SMYD3: variants seen among roughly 807,000 people sequenced by gnomAD.
SMYD3 encodes SET and MYND domain containing 3.
In SMYD3, 36 loss-of-function variants were observed where a neutral mutation model predicts 57.7. The ratio of observed to expected loss-of-function variants is 0.62; its 90% CI spans 0.48 to 0.82. SMYD3 has a LOEUF of 0.82. Among genes scored for constraint, SMYD3 ranks in the 40% least tolerant of loss-of-function variants. SMYD3 has a pLI of 0.00. For synonymous variants in SMYD3, 211 were observed against 195.0 expected (o/e 1.08, Z -0.68); for missense variants, 515 against 538.8 (o/e 0.96, Z 0.44).
chr1:245,953,765 C>A lies in SMYD3; in HGVS notation c.532-23828G>T, dbSNP rs147112510. ...AATAAACAGCAGCAACAACAAAAAC[C>A]CCACATGTACTTTCAAAAGTATGTT... On this transcript the variant is annotated intron_variant, in intron 5 of 11. Transcript: ENST00000490107. Among the ~76,000 whole-genome samples the A allele has an allele frequency of 6.9e-3, 1,054 of 152,208 alleles. 6 individuals are homozygous for A. The highest frequency in any genetic ancestry group is 0.01 in the Non-Finnish European group (686 of 68,014).
intron 5 of SMYD3, among the ~76,000 whole-genome samples, chr1:245,964,925 A>C (rs1045817852): frequency 5.3e-5 from 8 of 152,136 alleles, no homozygotes; most frequent in Non-Finnish European, 8.8e-5. Context: ...AACAATAATG[A>C]CTGAGAAATT....
At chr1:246,056,527 C>T (rs945763088) in intron 5 of SMYD3, among the ~76,000 whole-genome samples, 1 of 151,578 alleles carries the variant, frequency 6.6e-6, no homozygotes. Context: ...GTTTCTAAGC[C>T]TTCACAAATG....
chr1:246,346,041 G>T (rs549923724), intron 2 of SMYD3, among the ~76,000 whole-genome samples: 223 of 152,194 alleles, frequency 1.5e-3, no homozygotes, highest in African/African-American at 4.9e-3. Flanking sequence ...TCCCAGCACT[G>T]TGGGAGGCCA....
In SMYD3 at chr1:245,896,989, C is replaced by G. The variant is rs114252875; in HGVS notation, c.813+18541G>C. ...CTGAGTGAAATGCAATGCTAACCAA[C>G]TGAAAACAATCAGAACATAAATTCC... On this transcript the variant is annotated intron_variant, in intron 8 of 11. Coordinates refer to ENST00000490107, the MANE Select transcript of SMYD3 (RefSeq NM_001167740.2). Among the ~76,000 whole-genome samples, 675 of 152,268 alleles carry G rather than the reference C, an allele frequency of 4.4e-3. 6 individuals are homozygous for G. The highest frequency in any genetic ancestry group is 0.016 in the African/African-American group (653 of 41,546).
chr1:245,877,283 A>T (rs996334098), intron 8 of SMYD3, among the ~76,000 whole-genome samples: 2 of 152,198 alleles, frequency 1.3e-5, no homozygotes, highest in Non-Finnish European at 2.9e-5. Flanking sequence ...AGACCCAAAA[A>T]CATAAAGCTG....
chr1:246,231,608 A>C (rs569923879), intron 5 of SMYD3, among the ~76,000 whole-genome samples: 23 of 152,354 alleles, frequency 1.5e-4, no homozygotes, highest in South Asian at 1.5e-3. Context: ...GGAAATATCA[A>C]AATAACATCA....
rs10158621 is a variant in SMYD3 at position 246,019,310 on chromosome 1, G to T, written c.532-89373C>A. Among the ~76,000 whole-genome samples the T allele has an allele frequency of 2.7e-3, 412 of 152,298 alleles. 1 individual carries two copies. Among genetic ancestry groups the T allele is most frequent in the African/African-American group, 9.6e-3 (397 of 41,568 alleles). On this transcript the variant is annotated intron_variant, in intron 5 of 11. Coordinates refer to ENST00000490107, the MANE Select transcript of SMYD3 (RefSeq NM_001167740.2). ...CACAAGACAGCCCCCACGACCAAAG[G>T]TTATCCAGCCCAAAATGTCACTAGT... is the stretch of plus-strand genomic sequence containing the variant.
At chr1:245,930,382 A>C in intron 5 of SMYD3, 1 of 336,422 alleles carries the variant, frequency 3.0e-6, no homozygotes, top group African/African-American at 2.2e-5. Context: ...CTTGTCTCTT[A>C]CTCCTACAGA....
chr1:246,067,296 T>C (rs2060359674), intron 5 of SMYD3, among the ~76,000 whole-genome samples: 1 of 152,204 alleles, frequency 6.6e-6, no homozygotes, highest in South Asian at 2.1e-4. Flanking sequence ...AATGGTTTTA[T>C]TTTGTTCTTA....
intron 10 of SMYD3, among the ~76,000 whole-genome samples, chr1:245,849,142 T>G (rs1390506912): frequency 6.6e-6 from 1 of 152,154 alleles, no homozygotes; most frequent in Non-Finnish European, 1.5e-5. Context: ...CACTAGGAAG[T>G]TATCCAAAGG....
At chr1:246,211,116 A>G (rs896224404) in intron 5 of SMYD3, among the ~76,000 whole-genome samples, 7 of 152,144 alleles carry the variant, frequency 4.6e-5, no homozygotes, top group African/African-American at 1.7e-4. Context: ...TTTCTATTAT[A>G]GGAAAAAAAA....
chr1:245,999,579 C>T (rs1381936618), intron 5 of SMYD3, among the ~76,000 whole-genome samples: 1 of 150,274 alleles, frequency 6.7e-6, no homozygotes, highest in Non-Finnish European at 1.5e-5. Flanking sequence ...GTATAAAAGA[C>T]CTAAGAGTGA....
Position 245,915,642 on chromosome 1 carries a change from T to G in SMYD3, c.703-2A>C, listed in dbSNP as rs772382627. The G allele has an allele frequency of 6.2e-7, 1 of 1,606,204 alleles. No individual in the cohort carries two copies. Among genetic ancestry groups the G allele is most frequent in the African/African-American group, 1.3e-5 (1 of 74,786 alleles). On this transcript the variant is annotated splice_acceptor_variant, in intron 7 of 11. Coordinates refer to ENST00000490107, the MANE Select transcript of SMYD3 (RefSeq NM_001167740.2). LOFTEE classifies it high-confidence loss of function. Reference sequence around the variant, plus strand: ...CATATCCAGGTAGCAGATGGTGAGCTGTGCAGGCCAGAGAGAGGGAAGCGC... The same window carrying G: ...CATATCCAGGTAGCAGATGGTGAGCGGTGCAGGCCAGAGAGAGGGAAGCGC...
intron 1 of SMYD3, among the ~76,000 whole-genome samples, chr1:246,474,246 G>A (rs763479973): frequency 2.0e-4 from 31 of 152,150 alleles, no homozygotes; most frequent in Non-Finnish European, 2.8e-4. Context: ...TGGGCCGGGC[G>A]CGGTGGCTCA....
rs185927532 is a variant in SMYD3 at position 246,141,838 on chromosome 1, G to A, written c.531+185363C>T. Among the ~76,000 whole-genome samples the A allele has an allele frequency of 6.6e-5, 10 of 152,334 alleles. No homozygotes were observed. The East Asian group carries it at 1.9e-3, about 29-fold the overall frequency. The stretch of plus-strand genomic sequence containing the variant: ...TGATTGAGTTCTATGTTCAGTGGAA[G>A]CAGAGTCGAGCTGGAAGCAATGAAA... On this transcript the variant is annotated intron_variant, in intron 5 of 11. Transcript: ENST00000490107.
At chr1:246,274,176 T>C (rs942226092) in intron 5 of SMYD3, among the ~76,000 whole-genome samples, 1 of 152,230 alleles carries the variant, frequency 6.6e-6, no homozygotes, top group African/African-American at 2.4e-5. Flanking sequence ...AAGCATATTA[T>C]TCTTTCCTTT....
At chr1:246,316,163 A>G (rs1003224876) in intron 5 of SMYD3, among the ~76,000 whole-genome samples, 1 of 152,200 alleles carries the variant, frequency 6.6e-6, no homozygotes, top group African/African-American at 2.4e-5. Context: ...CATAACCACA[A>G]TATTTCTAAT....
intron 5 of SMYD3, among the ~76,000 whole-genome samples, chr1:246,151,003 T>A (rs1313186529): frequency 1.3e-5 from 2 of 152,098 alleles, no homozygotes; most frequent in African/African-American, 4.8e-5. Flanking sequence ...ATCCCAGCAC[T>A]TTGGGAGGTC....
At chr1:246,138,464 C>T (rs1194170210) in intron 5 of SMYD3, among the ~76,000 whole-genome samples, 2 of 144,698 alleles carry the variant, frequency 1.4e-5, no homozygotes, top group South Asian at 2.2e-4. Flanking sequence ...CTCGCTCTGT[C>T]GCCCAGGCTG....
Sources: allele counts gnomAD v4.1 joint callset (sites outside exome capture counted in the v4.1 genomes callset), GRCh38; gene constraint gnomAD v4.1.1; transcripts MANE v1.5; gene names NCBI Gene and HGNC (gene_info 2026-07-23, HGNC 2026-07-21).